The following CAB39 variants were observed in gnomAD, a reference collection of about 807,000 sequenced individuals.
The protein encoded by CAB39 is calcium-binding protein 39.
Under a neutral mutation model 40.0 loss-of-function variants are expected in CAB39, and 8 were observed. That is an observed-to-expected ratio of 0.20 (90% CI 0.12 to 0.36). The LOEUF is 0.36. Among genes scored for constraint, CAB39 ranks in the 10% least tolerant of loss-of-function variants. The pLI is 1.00. For missense variants in CAB39, 270 were observed against 401.1 expected (o/e 0.67, Z 2.79); for synonymous variants, 156 against 141.6 (o/e 1.10, Z -0.72).
intron 3 of CAB39, among the ~76,000 whole-genome samples, chr2:230,791,994 G>T (rs1004802960): frequency 4.6e-5 from 7 of 152,178 alleles, no homozygotes; most frequent in African/African-American, 1.7e-4. Flanking sequence ...GTGCTTGAAA[G>T]ACAGGTACAT....
chr2:230,728,756 T>A (rs1397109653), intron 1 of CAB39, among the ~76,000 whole-genome samples: 1 of 152,174 alleles, frequency 6.6e-6, no homozygotes, highest in Non-Finnish European at 1.5e-5. Flanking sequence ...GCTACAGGCA[T>A]GTGCCACCAC....
chr2:230,716,149 A>C (rs1694346209), intron 1 of CAB39, among the ~76,000 whole-genome samples: 1 of 152,214 alleles, frequency 6.6e-6, no homozygotes, highest in South Asian at 2.1e-4. Context: ...GTATGAAGTA[A>C]GATGCTGAGT....
rs537951690 is a variant in CAB39 at position 230,770,832 on chromosome 2, A to T, written c.114+10717A>T. Among the ~76,000 whole-genome samples the T allele has an allele frequency of 1.3e-3, 195 of 152,306 alleles. 1 individual carries two copies. The highest frequency in any genetic ancestry group is 2.3e-3 in the Non-Finnish European group (158 of 68,010). ...TGATGAAAAGGGGAAAAAAACCAGC[A>T]TCTATTCCTGATAAAAAAAATAATC... On this transcript the variant is annotated intron_variant, in intron 2 of 8. Coordinates refer to ENST00000258418, the MANE Select transcript of CAB39 (RefSeq NM_016289.4).
intron 4 of CAB39, among the ~76,000 whole-genome samples, chr2:230,794,027 G>C (rs1239210292): frequency 6.6e-6 from 1 of 152,206 alleles, no homozygotes; most frequent in Non-Finnish European, 1.5e-5. Flanking sequence ...CACCAGAGTT[G>C]TGTGCCAGCC....
At chr2:230,797,856 C>A (rs1475013541) in intron 4 of CAB39, among the ~76,000 whole-genome samples, 1 of 152,126 alleles carries the variant, frequency 6.6e-6, no homozygotes, top group Non-Finnish European at 1.5e-5. Flanking sequence ...AAGAGGGAAT[C>A]TTTGCTGGCC....
At position 230,800,455 on chromosome 2, in the gene CAB39, T is replaced by C. The variant is rs75158844; in HGVS notation, c.567+1558T>C. The stretch of plus-strand genomic sequence containing the variant: ...GGTGTACAAAGCAAAACAAAATGAA[T>C]TTGAGATTATAACATAGAGTGATCA... On this transcript the variant is annotated intron_variant, in intron 5 of 8. Transcript: ENST00000258418. Among the ~76,000 whole-genome samples the C allele has an allele frequency of 5.3e-3, 804 of 152,314 alleles. 1 individual carries two copies. Among genetic ancestry groups the C allele is most frequent in the African/African-American group, 0.018 (746 of 41,560 alleles).
intron 5 of CAB39, among the ~76,000 whole-genome samples, chr2:230,799,919 G>A (rs1423170761): frequency 6.6e-6 from 1 of 151,706 alleles, no homozygotes; most frequent in African/African-American, 2.4e-5. Flanking sequence ...GAACCCAGGA[G>A]ACGGAGGTTG....
intron 2 of CAB39, among the ~76,000 whole-genome samples, chr2:230,776,205 T>C (rs1695581991): frequency 6.6e-6 from 1 of 152,186 alleles, no homozygotes; most frequent in Non-Finnish European, 1.5e-5. Context: ...AAGGGTATAC[T>C]GAGGGGGAGT....
chr2:230,818,578 C>G lies in CAB39; in HGVS notation c.900C>G (p.Ala300=). The G allele has an allele frequency of 6.2e-7, 1 of 1,614,106 alleles. No homozygotes were observed. The highest frequency in any genetic ancestry group is 8.5e-7 in the Non-Finnish European group (1 of 1,179,986). ...PILDILLKNQ[A]KLIEFLSKFQ... Reference sequence around the variant, plus strand: ...TAGACATCCTCCTCAAGAACCAGGCCAAACTCATAGAGTTCCTCAGCAAGT... The same window carrying G: ...TAGACATCCTCCTCAAGAACCAGGCGAAACTCATAGAGTTCCTCAGCAAGT... The change falls in exon 9 of 9, where the codon GCC becomes GCG. Residue 300 remains alanine (A), a synonymous_variant. Coordinates refer to ENST00000258418, the MANE Select transcript of CAB39 (RefSeq NM_016289.4).
chr2:230,778,516 C>G (rs1269047208), intron 2 of CAB39, among the ~76,000 whole-genome samples: 1 of 152,158 alleles, frequency 6.6e-6, no homozygotes, highest in African/African-American at 2.4e-5. Context: ...GGATTTAAGT[C>G]AAGAGAGTTA....
intron 2 of CAB39, among the ~76,000 whole-genome samples, chr2:230,773,008 T>C (rs867351051): frequency 8.8e-5 from 13 of 147,562 alleles, no homozygotes; most frequent in African/African-American, 3.0e-4. Flanking sequence ...AAAAAACTAT[T>C]GCTGTATACA....
At chr2:230,818,094 C>T (rs371245723) in intron 8 of CAB39, 197 bp downstream of exon 8, 31 of 540,436 alleles carry the variant, frequency 5.7e-5, no homozygotes, top group East Asian at 2.3e-4. Flanking sequence ...GATCTGGGAA[C>T]GAGAAGGTTT....
intron 2 of CAB39, among the ~76,000 whole-genome samples, chr2:230,782,510 G>GA (rs1180986400): frequency 1.3e-5 from 2 of 151,650 alleles, no homozygotes; most frequent in Non-Finnish European, 2.9e-5. Context: ...TGAATTGTGA[G>GA]AAAAAATATT....
intron 2 of CAB39, among the ~76,000 whole-genome samples, chr2:230,787,384 A>C (rs1331304487): frequency 2.0e-5 from 3 of 152,206 alleles, no homozygotes; most frequent in African/African-American, 7.2e-5. Flanking sequence ...TGAGATTTTC[A>C]TATGTATGTG....
intron 2 of CAB39, among the ~76,000 whole-genome samples, chr2:230,769,728 TA>T (rs770294537): frequency 2.6e-5 from 4 of 151,750 alleles, no homozygotes; most frequent in Non-Finnish European, 5.9e-5. Flanking sequence ...CCTGTCATCT[TA>T]GCACTTTGGG....
chr2:230,729,682 G>A (rs963105002), intron 1 of CAB39, among the ~76,000 whole-genome samples: 1 of 151,952 alleles, frequency 6.6e-6, no homozygotes, highest in African/African-American at 2.4e-5. Context: ...GAACCCGGGA[G>A]GTGGAGGTTG....
chr2:230,798,896 A>G lies in CAB39; in HGVS notation c.566A>G (p.Lys189Arg). 6.3e-7 allele frequency: 1 copy of G among 1,583,254 alleles called. No homozygotes were observed. Among genetic ancestry groups the G allele is most frequent in the Non-Finnish European group, 8.6e-7 (1 of 1,158,778 alleles). ...GCTTCAGATGCATTTGCCACATTCA[A>G]GGTAACAAAAACTGTAGAATTCTAA... ...DIASDAFATF[K>R]DLLTRHKLLS... is the part of the protein sequence containing the mutation. Residue 189 changes from lysine (K) to arginine (R), a missense_variant and splice_region_variant, in exon 5 of 9, where the codon AAG (lysine) becomes AGG (arginine). Physicochemically the swap from Lys to Arg is conservative, Grantham distance 26. Transcript: ENST00000258418.
intron 1 of CAB39, among the ~76,000 whole-genome samples, chr2:230,744,401 C>A (rs890592467): frequency 6.6e-6 from 1 of 152,220 alleles, no homozygotes; most frequent in Non-Finnish European, 1.5e-5. Flanking sequence ...TCAAGCAGTC[C>A]TCCTGCCTCA....
chr2:230,757,390 C>T (rs1347634298), intron 1 of CAB39, among the ~76,000 whole-genome samples: 3 of 152,226 alleles, frequency 2.0e-5, no homozygotes, highest in South Asian at 4.1e-4. Flanking sequence ...AGCTGCCTCA[C>T]CTGGCCTGTA....
Sources: allele counts gnomAD v4.1 joint callset (sites outside exome capture counted in the v4.1 genomes callset), GRCh38; gene constraint gnomAD v4.1.1; transcripts MANE v1.5; gene names NCBI Gene and HGNC (gene_info 2026-07-23, HGNC 2026-07-21).